Variants in SHQ1 observed in about 807,000 individuals in gnomAD.
SHQ1 encodes the protein protein SHQ1 homolog.
Under a neutral mutation model 53.8 loss-of-function variants are expected in SHQ1, and 49 were observed. That is an observed-to-expected ratio of 0.91 (90% CI 0.72 to 1.16). SHQ1 has a LOEUF of 1.16. SHQ1 is among the 50% of genes most tolerant of loss of function. The pLI is 0.00. For synonymous variants in SHQ1, 243 were observed against 251.0 expected, an observed-to-expected ratio of 0.97 and a Z score of 0.30; for missense variants, 738 against 683.1, an observed-to-expected ratio of 1.08 and a Z score of -0.90.
chr3:72,726,173 T>C, the SHQ1 span, among the ~76,000 whole-genome samples: 1 of 152,082 alleles, frequency 6.6e-6, no homozygotes, highest in Non-Finnish European at 1.5e-5. Context: ...AGGAGTGAAG[T>C]CACTGTTCCA....
At chr3:72,765,557 A>ATATATTTTTTTTTTTTT (rs1491527508) in intron 10 of SHQ1, among the ~76,000 whole-genome samples, 1 of 57,192 alleles carries the variant, frequency 1.7e-5, no homozygotes, top group African/African-American at 7.9e-5. Context: ...ATATATATAT[A>ATATATTTTTTTTTTTTT]TTTTTTTTTT....
the SHQ1 span, among the ~76,000 whole-genome samples, chr3:72,742,199 T>TAAA: frequency 1.6e-5 from 2 of 124,190 alleles, no homozygotes; most frequent in African/African-American, 5.8e-5. Flanking sequence ...CCCTATCTCT[T>TAAA]AAAAAAAAAA....
chr3:72,817,026 G>A (rs1707339823), intron 7 of SHQ1, among the ~76,000 whole-genome samples: 1 of 152,124 alleles, frequency 6.6e-6, no homozygotes, highest in Non-Finnish European at 1.5e-5. Context: ...CTAATGCCAA[G>A]AGAAAAGTGA....
At chr3:72,779,479 A>C (rs1349546947) in intron 10 of SHQ1, among the ~76,000 whole-genome samples, 1 of 152,112 alleles carries the variant, frequency 6.6e-6, no homozygotes, top group Non-Finnish European at 1.5e-5. Context: ...CCAAGGTTTT[A>C]ATTTTACTTT....
the SHQ1 span, among the ~76,000 whole-genome samples, chr3:72,736,518 C>T: frequency 5.9e-5 from 9 of 151,634 alleles, no homozygotes; most frequent in Middle Eastern, 0.01. Flanking sequence ...GGGCTGGGCA[C>T]GGTGGCACAT....
Position 72,770,944 on chromosome 3 carries a change from T to A in SHQ1, c.1182-20108A>T, listed in dbSNP as rs114097835. The stretch of plus-strand genomic sequence containing the variant: ...CTGGGAACCCTGTGCAAAGATTGTG[T>A]CTGGATTTTAACAAAACATATAACA... On this transcript the variant is annotated intron_variant, in intron 10 of 10. Coordinates refer to ENST00000325599, the MANE Select transcript of SHQ1 (RefSeq NM_018130.3). 3.0e-3 allele frequency among the ~76,000 whole-genome samples: 456 copies of A among 152,308 alleles called. 6 individuals are homozygous for A. Among genetic ancestry groups the A allele is most frequent in the African/African-American group, 0.01 (430 of 41,574 alleles).
At chr3:72,769,392 T>G (rs1371581989) in intron 10 of SHQ1, among the ~76,000 whole-genome samples, 1 of 152,252 alleles carries the variant, frequency 6.6e-6, no homozygotes, top group African/African-American at 2.4e-5. Context: ...TTGCAACTTC[T>G]ACGTCTGCAG....
intron 2 of SHQ1, 70 bp downstream of exon 2, chr3:72,844,289 T>G: frequency 7.7e-7 from 1 of 1,304,610 alleles, no homozygotes; most frequent in Non-Finnish European, 1.1e-6. Flanking sequence ...CATGGTATCT[T>G]GTAAGATTAT....
intron 5 of SHQ1, among the ~76,000 whole-genome samples, chr3:72,831,704 T>A (rs1243853706): frequency 1.3e-5 from 2 of 152,252 alleles, no homozygotes; most frequent in Non-Finnish European, 2.9e-5. Context: ...AATGCTGCTA[T>A]CCTGGCCAGT....
chr3:72,767,776 A>G (rs904570341), intron 10 of SHQ1, among the ~76,000 whole-genome samples: 4 of 152,198 alleles, frequency 2.6e-5, no homozygotes, highest in Non-Finnish European at 5.9e-5. Context: ...ACTTTACTAA[A>G]TATAGGAATA....
At chr3:72,805,239 T>C (rs939333629) in intron 9 of SHQ1, among the ~76,000 whole-genome samples, 3 of 152,230 alleles carry the variant, frequency 2.0e-5, no homozygotes, top group Non-Finnish European at 2.9e-5. Flanking sequence ...CTGTTGTACA[T>C]GTGGTCCATC....
intron 5 of SHQ1, among the ~76,000 whole-genome samples, chr3:72,831,590 C>T (rs550449488): frequency 6.6e-6 from 1 of 152,154 alleles, no homozygotes; most frequent in African/African-American, 2.4e-5. Context: ...AAATCTTGAC[C>T]CAGAATTAAT....
At chr3:72,797,403 A>C (rs1263361882) in intron 9 of SHQ1, among the ~76,000 whole-genome samples, 1 of 152,206 alleles carries the variant, frequency 6.6e-6, no homozygotes, top group Non-Finnish European at 1.5e-5. Context: ...GTGGGAGTAC[A>C]GTTGTTTATT....
At chr3:72,783,210 A>G (rs1706123183) in intron 10 of SHQ1, among the ~76,000 whole-genome samples, 1 of 152,176 alleles carries the variant, frequency 6.6e-6, no homozygotes, top group African/African-American at 2.4e-5. Context: ...CTTGATATAC[A>G]TACTACTCCC....
intron 9 of SHQ1, 59 bp downstream of exon 9, chr3:72,812,612 A>G: frequency 6.3e-7 from 1 of 1,594,224 alleles, no homozygotes. Context: ...TTATATCTTC[A>G]CAGACTAAAA....
the SHQ1 span, among the ~76,000 whole-genome samples, chr3:72,741,737 CAG>C: frequency 6.6e-6 from 1 of 152,088 alleles, no homozygotes; most frequent in African/African-American, 2.4e-5. Context: ...CAAGGGGATG[CAG>C]TTGGCCCTCC....
intron 8 of SHQ1, among the ~76,000 whole-genome samples, chr3:72,814,718 A>C (rs2106866457): frequency 6.6e-6 from 1 of 152,308 alleles, no homozygotes; most frequent in Admixed American, 6.5e-5. Flanking sequence ...AAATTTAAAG[A>C]TATTATCTTT....
chr3:72,795,900 C>T (rs556776841), intron 9 of SHQ1, among the ~76,000 whole-genome samples: 2 of 151,850 alleles, frequency 1.3e-5, no homozygotes, highest in African/African-American at 4.8e-5. Flanking sequence ...GTCAGAAGTT[C>T]GAGACCAGCT....
intron 6 of SHQ1, 135 bp downstream of exon 6, chr3:72,824,289 A>G: frequency 9.3e-7 from 1 of 1,071,040 alleles, no homozygotes; most frequent in Non-Finnish European, 1.3e-6. Flanking sequence ...GTCATTTCCA[A>G]AATTAGCAAT....
Sources: allele counts gnomAD v4.1 joint callset (sites outside exome capture counted in the v4.1 genomes callset), GRCh38; gene constraint gnomAD v4.1.1; transcripts MANE v1.5; gene names NCBI Gene and HGNC (gene_info 2026-07-23, HGNC 2026-07-21).